Variants in RAB11FIP3 observed in about 807,000 individuals in gnomAD.
RAB11FIP3 encodes rab11 family-interacting protein 3.
RAB11FIP3 carries 17 observed loss-of-function variants against 77.8 expected under a neutral mutation model. The ratio of observed to expected loss-of-function variants is 0.22; its 90% CI spans 0.15 to 0.33. RAB11FIP3 has a LOEUF of 0.33. RAB11FIP3 is among the 10% of genes least tolerant of loss of function. The pLI, the probability that RAB11FIP3 is intolerant of heterozygous loss-of-function variation, is 1.00. For missense variants in RAB11FIP3, 1,005 were observed against 1,011.2 expected, an observed-to-expected ratio of 0.99 and a Z score of 0.08; for synonymous variants, 437 against 448.2, an observed-to-expected ratio of 0.98 and a Z score of 0.31.
Position 472,621 on chromosome 16 carries a change from C to T in RAB11FIP3, c.903+1232C>T, listed in dbSNP as rs897904499. 6.6e-6 allele frequency among the ~76,000 whole-genome samples: 1 copy of T among 152,218 alleles called. No homozygotes were observed. On this transcript the variant is annotated intron_variant, in intron 3 of 13. Coordinates refer to ENST00000262305, the MANE Select transcript of RAB11FIP3 (RefSeq NM_014700.4). This position sits in a 1 kb window ranked among gnomAD's most constrained non-coding sequence, Gnocchi z 4.1. ...CCCTTGGTCTGCAACGTCCGGGGAA[C>T]TGTGTGTTCCTGGGCGTTCATGTGC... is the stretch of plus-strand genomic sequence containing the variant.
intron 2 of RAB11FIP3, among the ~76,000 whole-genome samples, chr16:464,573 A>C (rs1356505576): frequency 1.3e-5 from 2 of 152,100 alleles, no homozygotes; most frequent in Non-Finnish European, 2.9e-5. Context: ...GGGAGATTCT[A>C]GGTGTAAATT....
In RAB11FIP3 at chr16:426,249, C is replaced by T; in HGVS notation, c.243C>T (p.Gly81=). ...SAGPAPGLEG[G]PRDPGPSAPP... is the part of the protein sequence containing the mutation. ...GGCCGGCCCCGGGGCTGGAGGGAGG[C>T]CCGCGAGACCCCGGGCCGTCCGCCC... The change falls in exon 1 of 14, where the codon GGC becomes GGT. Residue 81 remains glycine (G), a synonymous_variant. Transcript: ENST00000262305. The surrounding 1 kb of genome is among the most constrained non-coding windows in gnomAD (Gnocchi z 5.0). 8.9e-7 allele frequency: 1 copy of T among 1,120,676 alleles called. No homozygotes were observed. The highest frequency in any genetic ancestry group is 1.1e-6 in the Non-Finnish European group (1 of 918,246). The allele number at this position is 1,120,676 out of a possible 1,614,324, so 69.4% of individuals were successfully genotyped here. A position where few individuals can be genotyped will look rare whatever the true frequency, so the allele number is the denominator to read the frequency against.
At chr16:454,346 G>T (rs2055460210) in intron 1 of RAB11FIP3, among the ~76,000 whole-genome samples, 1 of 152,192 alleles carries the variant, frequency 6.6e-6, no homozygotes, top group African/African-American at 2.4e-5. Flanking sequence ...CTGGAGGTCA[G>T]TTGGAGGATT....
intron 1 of RAB11FIP3, among the ~76,000 whole-genome samples, chr16:436,761 C>A (rs1036483750): frequency 6.6e-6 from 1 of 152,138 alleles, no homozygotes; most frequent in Admixed American, 6.6e-5. Context: ...TGAGCTACCG[C>A]GCCCAGCCTT....
chr16:467,912 G>A (rs2055735456), intron 2 of RAB11FIP3, among the ~76,000 whole-genome samples: 1 of 128,518 alleles, frequency 7.8e-6, no homozygotes, highest in Non-Finnish European at 1.6e-5. Flanking sequence ...CAGGGAGGAG[G>A]TGCAGGGGCG....
At chr16:520,680 C>G in intron 13 of RAB11FIP3, 46 bp from the exon 14 acceptor site, 1 of 1,612,024 alleles carries the variant, frequency 6.2e-7, no homozygotes, top group Non-Finnish European at 8.5e-7. Flanking sequence ...TGCGCTGTGG[C>G]CTGTGGCCCA....
intron 1 of RAB11FIP3, among the ~76,000 whole-genome samples, chr16:443,577 T>G (rs893800165): frequency 3.3e-5 from 5 of 152,168 alleles, no homozygotes; most frequent in East Asian, 1.9e-4. Flanking sequence ...TGGTGGTTGT[T>G]GTTGTTGAGA....
At chr16:502,758 AG>A in intron 6 of RAB11FIP3, 1 of 547,476 alleles carries the variant, frequency 1.8e-6, no homozygotes, top group East Asian at 3.3e-5. Context: ...AAAGAGCGCC[AG>A]GAAGACTCTG....
chr16:434,601 A>G (rs557206186), intron 1 of RAB11FIP3, among the ~76,000 whole-genome samples: 4 of 151,212 alleles, frequency 2.6e-5, no homozygotes, highest in South Asian at 2.1e-4. Flanking sequence ...TAATTTTTCT[A>G]TTTTTTATAG....
At chr16:455,670 G>A (rs995201523) in intron 1 of RAB11FIP3, among the ~76,000 whole-genome samples, 2 of 151,930 alleles carry the variant, frequency 1.3e-5, no homozygotes, top group African/African-American at 2.4e-5. Flanking sequence ...ATCATGGCTC[G>A]CTGCAGCCTC....
At chr16:428,710 G>T (rs894577459) in intron 1 of RAB11FIP3, among the ~76,000 whole-genome samples, 1 of 152,086 alleles carries the variant, frequency 6.6e-6, no homozygotes, top group East Asian at 1.9e-4. Context: ...AGATGTGGTG[G>T]CTCACAATAT....
chr16:520,846 G>A lies in RAB11FIP3; in HGVS notation c.*7G>A, dbSNP rs2032654737. ...CATCCTGGAGGTCAAGTAGAGGCAG[G>A]AAGGTCCAGCCTGAGCTGGATTCGG... On this transcript the variant is annotated 3_prime_UTR_variant, in exon 14 of 14. Transcript: ENST00000262305. The A allele has an allele frequency of 6.8e-6, 11 of 1,611,402 alleles. No individual in the cohort carries two copies. In the East Asian group the frequency reaches 2.2e-4, roughly 33 times the overall value.
At chr16:448,300 A>C (rs1410161458) in intron 1 of RAB11FIP3, among the ~76,000 whole-genome samples, 1 of 143,464 alleles carries the variant, frequency 7.0e-6, no homozygotes, top group Non-Finnish European at 1.5e-5. Flanking sequence ...CTGGGCAATG[A>C]GGGAAACTGT....
chr16:437,129 T>G lies in RAB11FIP3; in HGVS notation c.714+10409T>G, dbSNP rs542434540. 6.1e-3 allele frequency among the ~76,000 whole-genome samples: 920 copies of G among 151,676 alleles called. 14 individuals carry two copies. Among genetic ancestry groups the G allele is most frequent in the African/African-American group, 0.021 (871 of 41,300 alleles). On this transcript the variant is annotated intron_variant, in intron 1 of 13. Coordinates refer to ENST00000262305, the MANE Select transcript of RAB11FIP3 (RefSeq NM_014700.4). ...CCTGTCCCTACTAAAAATACAAAAA[T>G]TAGCTGGGTGTGGTGGCGGGCACCT...
chr16:461,446 G>A lies in RAB11FIP3; in HGVS notation c.757G>A (p.Val253Met), dbSNP rs201432147. 27 of 1,613,866 alleles carry A rather than the reference G, an allele frequency of 1.7e-5. No individual in the cohort carries two copies. Among genetic ancestry groups the A allele is most frequent in the South Asian group, 5.5e-5 (5 of 91,060 alleles). ...TKYLDPSGLG[V>M]ISFEDFYQGI... ...GTACTTGGATCCCAGTGGGCTCGGC[G>A]TGATCAGCTTTGAAGACTTCTACCA... Residue 253 changes from valine (V) to methionine (M), a missense_variant, in exon 2 of 14, where the codon GTG becomes ATG. Val to Met is a conservative substitution (Grantham distance 21, BLOSUM62 1). This residue lies in a region of RAB11FIP3 where 466 missense variants were observed against 408.3 expected (regional missense o/e 1.14). Coordinates refer to ENST00000262305, the MANE Select transcript of RAB11FIP3 (RefSeq NM_014700.4). This position sits in a 1 kb window ranked among gnomAD's most constrained non-coding sequence, Gnocchi z 4.5.
intron 1 of RAB11FIP3, among the ~76,000 whole-genome samples, chr16:446,189 A>G (rs550895597): frequency 2.6e-4 from 40 of 152,194 alleles, no homozygotes; most frequent in African/African-American, 9.6e-4. Flanking sequence ...AGCTGCAGTG[A>G]GCCATGATCA....
At chr16:495,875 C>A (rs1219297294) in intron 5 of RAB11FIP3, among the ~76,000 whole-genome samples, 2 of 152,156 alleles carry the variant, frequency 1.3e-5, no homozygotes, top group East Asian at 3.9e-4. Flanking sequence ...CCCAGCCTCC[C>A]GAGTAGCTGG....
chr16:473,854 C>T (rs911467673), intron 3 of RAB11FIP3, among the ~76,000 whole-genome samples: 2 of 152,166 alleles, frequency 1.3e-5, no homozygotes, highest in East Asian at 1.9e-4. Context: ...AGTGCCGGCT[C>T]ATCCCTCACA....
Position 495,276 on chromosome 16 carries a change from G to T in RAB11FIP3, c.1266-1548G>T, listed in dbSNP as rs557766564. Among the ~76,000 whole-genome samples, 3 of 152,208 alleles carry T rather than the reference G, an allele frequency of 2.0e-5. No homozygotes were observed. The East Asian group carries it at 5.8e-4, about 29-fold the overall frequency. On this transcript the variant is annotated intron_variant, in intron 5 of 13. Coordinates refer to ENST00000262305, the MANE Select transcript of RAB11FIP3 (RefSeq NM_014700.4). ...AGGAGCAGCCGCCACCCAGGGCCGGGGCAGAGCCCCCCAGCTACAGTCACT... is the reference window on the plus strand; with the variant it reads ...AGGAGCAGCCGCCACCCAGGGCCGGTGCAGAGCCCCCCAGCTACAGTCACT...
Sources: gnomAD v4.1 joint callset for allele counts (sites outside exome capture counted in the v4.1 genomes callset) on GRCh38, gnomAD v4.1.1 for gene constraint, gnomAD v4.1.1 regional missense constraint, Gnocchi (gnomAD v3.1) non-coding constraint, MANE v1.5 for transcripts, NCBI Gene and HGNC (gene_info 2026-07-23, HGNC 2026-07-21) for gene names.